Variants in ASTN2 observed in about 807,000 individuals in gnomAD.
ASTN2 encodes the protein astrotactin 2.
ASTN2 carries 54 observed loss-of-function variants against 139.8 expected under a neutral mutation model. The observed-to-expected ratio is 0.39, with a 90% CI of 0.31 to 0.48. The LOEUF (loss-of-function observed/expected upper bound fraction) is 0.48, where lower values mean the gene tolerates loss of function less well. Among genes scored for constraint, ASTN2 ranks in the 20% least tolerant of loss-of-function variants. ASTN2 has a pLI of 0.95. For synonymous variants in ASTN2, 756 were observed against 719.5 expected, an observed-to-expected ratio of 1.05 and a Z score of -0.81; for missense variants, 1,565 against 1,725.1, an observed-to-expected ratio of 0.91 and a Z score of 1.64.
Position 117,410,928 on chromosome 9 carries a change from A to G in ASTN2, c.442+3569T>C, listed in dbSNP as rs543560098. ...TAGGTCAGCTCACCAAGGTAGCTGA[A>G]GTTCCTTTGGAGAAAAGCTCTTGTC... On this transcript the variant is annotated intron_variant, in intron 1 of 22. Transcript: ENST00000313400. Among the ~76,000 whole-genome samples the G allele has an allele frequency of 2.6e-5, 4 of 152,352 alleles. No individual in the cohort carries two copies. In the East Asian group the frequency reaches 7.7e-4, roughly 29 times the overall value.
At chr9:116,885,347 C>T (rs1833568350) in intron 10 of ASTN2, among the ~76,000 whole-genome samples, 1 of 152,058 alleles carries the variant, frequency 6.6e-6, no homozygotes, top group Non-Finnish European at 1.5e-5. Flanking sequence ...AGTATAAATA[C>T]TATGTATCAA....
At chr9:117,223,495 T>C (rs966930309) in intron 2 of ASTN2, among the ~76,000 whole-genome samples, 1 of 152,140 alleles carries the variant, frequency 6.6e-6, no homozygotes, top group African/African-American at 2.4e-5. Context: ...ATAGGAAGAC[T>C]TGTGTCTATT....
chr9:117,174,123 CTAGATAGA>C (rs35789854), intron 3 of ASTN2, among the ~76,000 whole-genome samples: 23,358 of 146,806 alleles, frequency 0.16, 1,874 homozygotes, highest in Non-Finnish European at 0.18. Context: ...AGCTAGCTAA[CTAGATAGA>C]TAGATAGATA....
chr9:117,167,817 A>G (rs765270280), intron 3 of ASTN2, among the ~76,000 whole-genome samples: 1 of 152,088 alleles, frequency 6.6e-6, no homozygotes, highest in Non-Finnish European at 1.5e-5. Flanking sequence ...TTACAGGTAA[A>G]TCTGATGTTA....
intron 7 of ASTN2, among the ~76,000 whole-genome samples, chr9:116,977,092 G>A (rs1836361273): frequency 6.6e-6 from 1 of 152,148 alleles, no homozygotes; most frequent in Non-Finnish European, 1.5e-5. Flanking sequence ...CAGGGAAACA[G>A]GAAGTGATCA....
intron 20 of ASTN2, among the ~76,000 whole-genome samples, chr9:116,453,507 T>C (rs1848235170): frequency 7.3e-6 from 1 of 136,196 alleles, no homozygotes; most frequent in African/African-American, 2.8e-5. Flanking sequence ...GGTGGAAGAA[T>C]GATGTGAACC....
intron 1 of ASTN2, among the ~76,000 whole-genome samples, chr9:117,332,242 C>T (rs750804393): frequency 6.6e-6 from 1 of 152,078 alleles, no homozygotes; most frequent in Non-Finnish European, 1.5e-5. Flanking sequence ...GTGTTGCCAC[C>T]CTTTATAGCA....
Position 117,038,765 on chromosome 9 carries a change from C to T in ASTN2, c.1423+1054G>A, listed in dbSNP as rs368322990. ...ATGTGAGAAGTGTTTGAGAAACAGA[C>T]GCCAACATATCCTGGAATGTGTAAA... is the stretch of plus-strand genomic sequence containing the variant. On this transcript the variant is annotated intron_variant, in intron 6 of 22. Coordinates refer to ENST00000313400, the MANE Select transcript of ASTN2 (RefSeq NM_001365068.1). 2.6e-3 allele frequency among the ~76,000 whole-genome samples: 401 copies of T among 152,258 alleles called. 9 individuals carry two copies. In the South Asian group the frequency reaches 0.067, roughly 26 times the overall value.
intron 10 of ASTN2, among the ~76,000 whole-genome samples, chr9:116,923,690 A>G (rs567001466): frequency 1.7e-4 from 26 of 152,320 alleles, no homozygotes; most frequent in Admixed American, 1.3e-3. Context: ...GAAAATCTCA[A>G]AAAGAGCTGG....
intron 19 of ASTN2, among the ~76,000 whole-genome samples, chr9:116,492,506 T>C (rs1849546761): frequency 6.6e-6 from 1 of 152,126 alleles, no homozygotes; most frequent in African/African-American, 2.4e-5. Flanking sequence ...CAGTGACAGG[T>C]CCATGCCCAT....
chr9:116,505,567 A>T (rs1434968836), intron 19 of ASTN2, among the ~76,000 whole-genome samples: 2 of 152,212 alleles, frequency 1.3e-5, no homozygotes, highest in Non-Finnish European at 2.9e-5. Context: ...TACCATTTTA[A>T]TAGAATGTTT....
intron 2 of ASTN2, among the ~76,000 whole-genome samples, chr9:117,230,108 C>T (rs923890893): frequency 8.2e-6 from 1 of 121,634 alleles, no homozygotes; most frequent in Non-Finnish European, 1.7e-5. Context: ...TGAGGTAAGA[C>T]TCTATCTTAA....
intron 2 of ASTN2, among the ~76,000 whole-genome samples, chr9:117,273,405 C>G (rs970126774): frequency 6.6e-6 from 1 of 152,162 alleles, no homozygotes; most frequent in Non-Finnish European, 1.5e-5. Context: ...GAAGAGTTTT[C>G]CCTCCTGAAC....
intron 2 of ASTN2, among the ~76,000 whole-genome samples, chr9:117,225,492 G>A (rs1023297): frequency 1 from 135,569 of 136,178 alleles, 67,484 homozygotes; most frequent in Middle Eastern, 1. Flanking sequence ...AGGCGGGTGG[G>A]TCATGAGGTT....
At chr9:117,162,481 T>C (rs762652175) in intron 3 of ASTN2, among the ~76,000 whole-genome samples, 1 of 151,918 alleles carries the variant, frequency 6.6e-6, no homozygotes, top group Non-Finnish European at 1.5e-5. Context: ...AAGGCCCAGG[T>C]AGGATGACAA....
intron 20 of ASTN2, among the ~76,000 whole-genome samples, chr9:116,465,988 T>C (rs1848637993): frequency 6.6e-6 from 1 of 152,220 alleles, no homozygotes; most frequent in African/African-American, 2.4e-5. Flanking sequence ...TCAGTATTCA[T>C]GATTAAAACA....
At position 117,342,224 on chromosome 9, in the gene ASTN2, C is replaced by A. The variant is rs569684876; in HGVS notation, c.443-50711G>T. On this transcript the variant is annotated intron_variant, in intron 1 of 22. Transcript: ENST00000313400. ...CAATCAGGTTCAGAGACAGGAGAAC[C>A]CACATGCTAAAATGCCAGATGGTTG... Among the ~76,000 whole-genome samples the A allele has an allele frequency of 2.0e-4, 31 of 152,274 alleles. No homozygotes were observed. In the South Asian group the frequency reaches 4.6e-3, roughly 22 times the overall value.
intron 22 of ASTN2, among the ~76,000 whole-genome samples, chr9:116,428,362 AAAAATAC>A (rs1007253742): frequency 7.2e-5 from 11 of 152,276 alleles, no homozygotes; most frequent in Admixed American, 5.9e-4. Context: ...TGTCTTTACT[AAAAATAC>A]AAAATTTAGC....
At chr9:116,429,486 G>A (rs1847427616) in intron 22 of ASTN2, among the ~76,000 whole-genome samples, 1 of 152,090 alleles carries the variant, frequency 6.6e-6, no homozygotes, top group Non-Finnish European at 1.5e-5. Flanking sequence ...CTATACAAAG[G>A]GAACAGCAGA....
Sources: gnomAD v4.1 joint callset for allele counts (sites outside exome capture counted in the v4.1 genomes callset) on GRCh38, gnomAD v4.1.1 for gene constraint, MANE v1.5 for transcripts, NCBI Gene and HGNC (gene_info 2026-07-23, HGNC 2026-07-21) for gene names.